The following TVP23A variants were observed in gnomAD, a reference collection of about 807,000 sequenced individuals.
The protein encoded by TVP23A is trans-golgi network vesicle protein 23 homolog A.
Under a neutral mutation model 31.7 loss-of-function variants are expected in TVP23A, and 21 were observed. That is an observed-to-expected ratio of 0.66 (90% CI 0.47 to 0.95). The LOEUF is 0.95. Among genes scored for constraint, TVP23A ranks in the 40% least tolerant of loss-of-function variants. The probability of loss-of-function intolerance (pLI) is 0.00; values close to 1 mark genes in which losing one functional copy is unlikely to be tolerated. For synonymous variants in TVP23A, 104 were observed against 96.0 expected (o/e 1.08, Z -0.49); for missense variants, 279 against 255.6 (o/e 1.09, Z -0.62).
At chr16:10,791,803 G>C (rs973519315) in intron 2 of TVP23A, among the ~76,000 whole-genome samples, 1 of 152,090 alleles carries the variant, frequency 6.6e-6, no homozygotes, top group African/African-American at 2.4e-5. Context: ...TTTTAGTAGA[G>C]ACAGGGTTTC....
intron 2 of TVP23A, among the ~76,000 whole-genome samples, chr16:10,794,157 C>T (rs1323027214): frequency 6.6e-6 from 1 of 152,188 alleles, no homozygotes; most frequent in African/African-American, 2.4e-5. Flanking sequence ...TCATGAGGCA[C>T]AGCCCTCACG....
intron 2 of TVP23A, among the ~76,000 whole-genome samples, chr16:10,793,615 G>T (rs1402206777): frequency 6.6e-6 from 1 of 152,040 alleles, no homozygotes; most frequent in Non-Finnish European, 1.5e-5. Context: ...TATTTATTTG[G>T]CTAGGTACGG....
rs2031280193 is a variant in TVP23A at position 10,768,819 on chromosome 16, T to C, written c.*283A>G. 2.3e-5 allele frequency: 11 copies of C among 473,584 alleles called. No homozygotes were observed. In the South Asian group the frequency reaches 4.1e-4, roughly 18 times the overall value. The allele number at this position is 473,584 out of a possible 1,614,324, so 29.3% of individuals were successfully genotyped here. On this transcript the variant is annotated 3_prime_UTR_variant, in exon 8 of 8. Transcript: ENST00000299866. The surrounding 1 kb of genome is among the most constrained non-coding windows in gnomAD (Gnocchi z 4.3). ...GAAACAGCATTCCCAGAATCCTCCA[T>C]CTATAGATGGTCCGAGGAAGGCCGC...
intron 2 of TVP23A, among the ~76,000 whole-genome samples, chr16:10,788,871 C>G (rs1199387124): frequency 6.6e-6 from 1 of 152,208 alleles, no homozygotes; most frequent in African/African-American, 2.4e-5. Flanking sequence ...GAGTGTCCTT[C>G]TCCTTGAACA....
At chr16:10,810,429 C>G (rs1406335840) in intron 2 of TVP23A, among the ~76,000 whole-genome samples, 1 of 151,822 alleles carries the variant, frequency 6.6e-6, no homozygotes, top group Non-Finnish European at 1.5e-5. Flanking sequence ...TGCCTGTAGT[C>G]CCAGCTACTC....
rs191636722 is a variant in TVP23A at position 10,818,483 on chromosome 16, A to G, written c.9+2T>C. On this transcript the variant is annotated splice_donor_variant, in intron 1 of 7. Coordinates refer to ENST00000299866, the MANE Select transcript of TVP23A (RefSeq NM_001079512.4). LOFTEE classifies it high-confidence loss of function. The surrounding 1 kb of genome is among the most constrained non-coding windows in gnomAD (Gnocchi z 4.7). ...CCAGCCCCAGCATCCCCGAGGCCCTACCTGCTTCATCACCCTCCCAGGAGC... is the reference window on the plus strand; with the variant it reads ...CCAGCCCCAGCATCCCCGAGGCCCTGCCTGCTTCATCACCCTCCCAGGAGC... 2.4e-5 allele frequency: 39 copies of G among 1,604,856 alleles called. 1 individual carries two copies. The Admixed American group carries it at 3.2e-4, about 13-fold the overall frequency.
intron 2 of TVP23A, among the ~76,000 whole-genome samples, chr16:10,798,469 G>T (rs2033524944): frequency 6.6e-6 from 1 of 152,262 alleles, no homozygotes; most frequent in East Asian, 1.9e-4. Context: ...TCTTTGGGAT[G>T]GGACCTGTGG....
At position 10,818,545 on chromosome 16, in the gene TVP23A, C is replaced by G. The variant is rs1275703056; in HGVS notation, c.-52G>C. ...CCAGGCCCGGGGCTCCAGCTCCGCC[C>G]GTCGCCGCTGAAGGGGTCGGACGCC... On this transcript the variant is annotated 5_prime_UTR_variant, in exon 1 of 8. Coordinates refer to ENST00000299866, the MANE Select transcript of TVP23A (RefSeq NM_001079512.4). This position sits in a 1 kb window ranked among gnomAD's most constrained non-coding sequence, Gnocchi z 4.7. 3.8e-6 allele frequency: 6 copies of G among 1,587,152 alleles called. No individual in the cohort carries two copies. Among genetic ancestry groups the G allele is most frequent in the South Asian group, 2.3e-5 (2 of 87,884 alleles).
At chr16:10,799,490 C>T (rs773326711) in intron 2 of TVP23A, among the ~76,000 whole-genome samples, 10 of 152,268 alleles carry the variant, frequency 6.6e-5, no homozygotes, top group Admixed American at 1.3e-4. Context: ...CCTACTACCA[C>T]GCCTGACTAA....
In TVP23A at chr16:10,779,464, C is replaced by A. The variant is rs2032286428; in HGVS notation, c.90-4368G>T. On this transcript the variant is annotated intron_variant, in intron 2 of 7. Transcript: ENST00000299866. The surrounding 1 kb of genome is among the most constrained non-coding windows in gnomAD (Gnocchi z 4.9). ...CCCAGCAACATGGAGCACACACACA[C>A]ACACCACCAATCACCTCCAGTTCCC... Among the ~76,000 whole-genome samples the A allele has an allele frequency of 6.6e-6, 1 of 152,180 alleles. No homozygotes were observed. The highest frequency in any genetic ancestry group is 2.1e-4 in the South Asian group (1 of 4,826).
intron 2 of TVP23A, among the ~76,000 whole-genome samples, chr16:10,801,329 G>A (rs1199815676): frequency 6.6e-6 from 1 of 152,202 alleles, no homozygotes; most frequent in Non-Finnish European, 1.5e-5. Flanking sequence ...AGAAGCATCA[G>A]ACAGACCCAA....
At position 10,777,644 on chromosome 16, in the gene TVP23A, G is replaced by A. The variant is rs886392876; in HGVS notation, c.90-2548C>T. ...ATTCACCAGGATGGGTCTCATCTGA[G>A]CCTCTCAGGCTCTTGGCTCTCCTGG... On this transcript the variant is annotated intron_variant, in intron 2 of 7. Coordinates refer to ENST00000299866, the MANE Select transcript of TVP23A (RefSeq NM_001079512.4). The surrounding 1 kb of genome is among the most constrained non-coding windows in gnomAD (Gnocchi z 4.5). 2.6e-4 allele frequency among the ~76,000 whole-genome samples: 39 copies of A among 152,216 alleles called. No homozygotes were observed. The highest frequency in any genetic ancestry group is 8.9e-4 in the African/African-American group (37 of 41,460).
Position 10,813,999 on chromosome 16 carries a change from CAAAAAAAAAAAA to C in TVP23A, c.89+4092_89+4103del, listed in dbSNP as rs201277067. Among the ~76,000 whole-genome samples, 353 of 49,544 alleles carry C rather than the reference CAAAAAAAAAAAA, an allele frequency of 7.1e-3. 3 individuals carry two copies. The South Asian group carries it at 0.12, about 17-fold the overall frequency. 32.5% of individuals were successfully genotyped at this position (49,544 alleles called of 152,430 possible). ...GGGCAAAAAGAGTGAAACTCCATCT[CAAAAAAAAAAAA>C]AAAAAAAAAAAAAAAAAAATTCCCT... On this transcript the variant is annotated intron_variant, in intron 2 of 7. Transcript: ENST00000299866.
At chr16:10,775,263 T>C in intron 2 of TVP23A, 167 bp from the exon 3 acceptor site, 3 of 1,436,514 alleles carry the variant, frequency 2.1e-6, no homozygotes, top group Non-Finnish European at 2.7e-6. Flanking sequence ...GGACACATCA[T>C]TAGGTCAGCA....
intron 2 of TVP23A, among the ~76,000 whole-genome samples, chr16:10,811,174 A>G (rs2034180293): frequency 6.6e-6 from 1 of 152,252 alleles, no homozygotes; most frequent in Non-Finnish European, 1.5e-5. Context: ...ACTACATAGT[A>G]GTAATGGATG....
intron 6 of TVP23A, among the ~76,000 whole-genome samples, chr16:10,771,060 C>A (rs1006029804): frequency 6.6e-6 from 1 of 151,912 alleles, no homozygotes; most frequent in Admixed American, 6.6e-5. Flanking sequence ...GTTGCTAGGG[C>A]TAGGAGGCGA....
downstream of TVP23A, among the ~76,000 whole-genome samples, chr16:10,763,354 G>A (rs959374313): frequency 2.6e-5 from 4 of 152,078 alleles, no homozygotes; most frequent in African/African-American, 9.7e-5. Flanking sequence ...AAGTGGTAGG[G>A]GGGTAGGGTG....
At chr16:10,807,723 C>T (rs1243599806) in intron 2 of TVP23A, among the ~76,000 whole-genome samples, 5 of 152,192 alleles carry the variant, frequency 3.3e-5, no homozygotes, top group African/African-American at 1.2e-4. Context: ...ACAGGAGGAA[C>T]ATATAAAGTA....
At chr16:10,762,852 G>A (rs1040336547), downstream of TVP23A, among the ~76,000 whole-genome samples, 2 of 152,132 alleles carry the variant, frequency 1.3e-5, no homozygotes, top group African/African-American at 2.4e-5. Flanking sequence ...GCCTGGAGGC[G>A]GGGAGGGCGG....
Sources: allele counts gnomAD v4.1 joint callset (sites outside exome capture counted in the v4.1 genomes callset), GRCh38; gene constraint gnomAD v4.1.1; non-coding constraint Gnocchi (gnomAD v3.1); transcripts MANE v1.5; gene names NCBI Gene and HGNC (gene_info 2026-07-23, HGNC 2026-07-21).